MOV10L1: variants seen among roughly 807,000 people sequenced by gnomAD.
The protein encoded by MOV10L1 is Mov10 like RNA helicase 1.
In MOV10L1, 110 loss-of-function variants were observed where a neutral mutation model predicts 143.8. The ratio of observed to expected loss-of-function variants is 0.76; its 90% CI spans 0.66 to 0.90. The LOEUF (loss-of-function observed/expected upper bound fraction) is 0.90, where lower values mean the gene tolerates loss of function less well. Ranked by LOEUF, MOV10L1 falls within the 40% of genes least tolerant of loss-of-function variation. MOV10L1 has a pLI of 0.00. For missense variants in MOV10L1, 1,406 were observed against 1,526.8 expected (o/e 0.92, Z 1.32); for synonymous variants, 593 against 581.1 (o/e 1.02, Z -0.29).
chr22:50,137,673 C>T (rs1448017115), intron 15 of MOV10L1, among the ~76,000 whole-genome samples: 2 of 151,206 alleles, frequency 1.3e-5, no homozygotes, highest in African/African-American at 4.9e-5. Flanking sequence ...CCACTGCGCT[C>T]CAGCCTGGGC....
chr22:50,092,496 G>C (rs79392949), intron 2 of MOV10L1, among the ~76,000 whole-genome samples: 9,789 of 152,016 alleles, frequency 0.064, 1,086 homozygotes, highest in African/African-American at 0.22. Context: ...AAGTTAGCCT[G>C]GTGTCGTGGC....
At chr22:50,093,748 T>C (rs2062515790) in intron 2 of MOV10L1, 1 of 152,198 alleles carries the variant, frequency 6.6e-6, no homozygotes, top group African/African-American at 2.4e-5. Context: ...TGGCCTCGAG[T>C]GGTCCTTCCA....
chr22:50,142,755 G>A (rs1393893101), intron 16 of MOV10L1, among the ~76,000 whole-genome samples: 1 of 152,014 alleles, frequency 6.6e-6, no homozygotes, highest in Admixed American at 6.6e-5. Context: ...AGGATCGCTT[G>A]AGCTCAGGAG....
chr22:50,112,416 G>A (rs527737905), intron 5 of MOV10L1, among the ~76,000 whole-genome samples: 6 of 152,300 alleles, frequency 3.9e-5, no homozygotes, highest in East Asian at 1.9e-4. Flanking sequence ...AAGCTGTGGC[G>A]TCCCATTCTT....
rs564264774 is a variant in MOV10L1 at position 50,159,151 on chromosome 22, A to T, written c.3217-527A>T. On this transcript the variant is annotated intron_variant, in intron 23 of 26. Coordinates refer to ENST00000262794, the MANE Select transcript of MOV10L1 (RefSeq NM_018995.3). The surrounding 1 kb of genome is among the most constrained non-coding windows in gnomAD (Gnocchi z 4.1). ...GGGGAGGGAGGATTTTCCACATGAA[A>T]CTTGGCTTTCCTAGTAAGCATTGTC... is the stretch of plus-strand genomic sequence containing the variant. The T allele has an allele frequency of 2.6e-5, 4 of 152,274 alleles. No homozygotes were observed. The highest frequency in any genetic ancestry group is 4.2e-4 in the South Asian group (2 of 4,816). 9.4% of individuals were successfully genotyped at this position (152,274 alleles called of 1,614,324 possible).
rs375877540 is a variant in MOV10L1, at chr22:50,129,156, A to G, written c.1910+649A>G. On this transcript the variant is annotated intron_variant, in intron 13 of 26. Transcript: ENST00000262794. Reference sequence around the variant, plus strand: ...TATTATCAACTATTTTTTGAGATATAAAGGTGCATACATTTGCATGTGTAT... The same window carrying G: ...TATTATCAACTATTTTTTGAGATATGAAGGTGCATACATTTGCATGTGTAT... 5.3e-5 allele frequency among the ~76,000 whole-genome samples: 8 copies of G among 152,128 alleles called. No homozygotes were observed. In the East Asian group the frequency reaches 1.4e-3, roughly 26 times the overall value.
At chr22:50,143,801 A>G (rs2063057620) in intron 17 of MOV10L1, among the ~76,000 whole-genome samples, 1 of 152,230 alleles carries the variant, frequency 6.6e-6, no homozygotes, top group African/African-American at 2.4e-5. Context: ...GCAAACAGGT[A>G]TTGAGCGCAC....
intron 13 of MOV10L1, among the ~76,000 whole-genome samples, chr22:50,131,776 G>T (rs2062685807): frequency 6.6e-6 from 1 of 151,538 alleles, no homozygotes. Context: ...TGTTTCTGAA[G>T]ACTCTCTGTT....
chr22:50,149,510 C>A, intron 19 of MOV10L1, 105 bp from the exon 20 acceptor site: 1 of 1,140,656 alleles, frequency 8.8e-7, no homozygotes, highest in East Asian at 2.5e-5. Context: ...CTGGGCAACC[C>A]TGCTGTGCCC....
At chr22:50,135,784 C>T (rs2062808885) in intron 15 of MOV10L1, among the ~76,000 whole-genome samples, 1 of 151,024 alleles carries the variant, frequency 6.6e-6, no homozygotes, top group Admixed American at 6.6e-5. Flanking sequence ...ATAATCCAGT[C>T]ACTCCATAAA....
chr22:50,090,068 A>ACGGCGGCGACGGCG lies in MOV10L1; in HGVS notation c.-21_-20insCGGCGGCGACGGCG. 8.1e-7 allele frequency: 1 copy of ACGGCGGCGACGGCG among 1,240,580 alleles called. No homozygotes were observed. The highest frequency in any genetic ancestry group is 1.0e-6 in the Non-Finnish European group (1 of 988,574). The allele number at this position is 1,240,580 out of a possible 1,614,324, so 76.8% of individuals were successfully genotyped here. On this transcript the variant is annotated 5_prime_UTR_variant, in exon 1 of 27. Coordinates refer to ENST00000262794, the MANE Select transcript of MOV10L1 (RefSeq NM_018995.3). The stretch of plus-strand genomic sequence containing the variant: ...GGGCGGCGGCAGCGGCGGTGACGGC[A>ACGGCGGCGACGGCG]GCCTAGGCCGGGCGAGGGCCATGCT...
chr22:50,090,242 AG>A, intron 1 of MOV10L1, 57 bp downstream of exon 1: 1 of 1,402,648 alleles, frequency 7.1e-7, no homozygotes, highest in Non-Finnish European at 9.3e-7. Context: ...GTCGGCCACG[AG>A]GGAGCCGCGC....
chr22:50,134,766 G>A lies in MOV10L1; in HGVS notation c.2070+136G>A, dbSNP rs527951327. On this transcript the variant is annotated intron_variant, in intron 15 of 26. Coordinates refer to ENST00000262794, the MANE Select transcript of MOV10L1 (RefSeq NM_018995.3). ...CAGCGATGTAACTGTCTACACAGGG[G>A]GTGGGCGTTTCCTTCTCGGAGTATT... 9.2e-4 allele frequency: 653 copies of A among 708,222 alleles called. 10 individuals carry two copies. In the South Asian group the frequency reaches 0.013, roughly 14 times the overall value. 43.9% of individuals were successfully genotyped at this position (708,222 alleles called of 1,614,324 possible).
rs116843756 is a variant in MOV10L1 at position 50,099,072 on chromosome 22, T to C, written c.283-371T>C. Among the ~76,000 whole-genome samples the C allele has an allele frequency of 5.5e-3, 832 of 152,318 alleles. 3 individuals are homozygous for C. The highest frequency in any genetic ancestry group is 9.3e-3 in the Non-Finnish European group (631 of 68,022). On this transcript the variant is annotated intron_variant, in intron 2 of 26. Coordinates refer to ENST00000262794, the MANE Select transcript of MOV10L1 (RefSeq NM_018995.3). Reference sequence around the variant, plus strand: ...CTGCATTTGGTTTGATAATATTTCATTGAGGATTTTTGCATCAGTGTTCAT... The same window carrying C: ...CTGCATTTGGTTTGATAATATTTCACTGAGGATTTTTGCATCAGTGTTCAT...
chr22:50,114,520 A>T lies in MOV10L1; in HGVS notation c.1024A>T (p.Asn342Tyr). 6.2e-7 allele frequency: 1 copy of T among 1,614,208 alleles called. No homozygotes were observed. Among genetic ancestry groups the T allele is most frequent in the South Asian group, 1.1e-5 (1 of 91,088 alleles). Residue 342 changes from asparagine to tyrosine, a missense_variant, in exon 7 of 27, where the codon AAT (asparagine) becomes TAT (tyrosine). By Grantham distance (143) the Asn-to-Tyr change is moderately radical. This residue lies in a region of MOV10L1 where 1,233 missense variants were observed against 1,351.4 expected (regional missense o/e 0.91). Transcript: ENST00000262794. The part of the protein sequence containing the change: ...VSFVSVPEKE[N>Y]SSDENINSLN... ...TTTTGTTTCTGTTCCTGAGAAGGAG[A>T]ATTCATCAGATGAAAATATTAATTC... is the stretch of plus-strand genomic sequence containing the variant.
chr22:50,098,337 T>C (rs4838826), intron 2 of MOV10L1, among the ~76,000 whole-genome samples: 96,722 of 151,658 alleles, frequency 0.64, 32,640 homozygotes, highest in Admixed American at 0.75. Flanking sequence ...TTTAATAATA[T>C]TAGGTTTTCC....
chr22:50,109,123 G>A (rs1238500117), intron 5 of MOV10L1, among the ~76,000 whole-genome samples: 2 of 152,112 alleles, frequency 1.3e-5, no homozygotes, highest in African/African-American at 2.4e-5. Flanking sequence ...AGGCCTGGGC[G>A]ACAAGTAAAA....
rs77106439 is a variant in MOV10L1 at position 50,153,249 on chromosome 22, G to A, written c.3066+31G>A. On this transcript the variant is annotated intron_variant, in intron 22 of 26. Transcript: ENST00000262794. ...TTGTGTCTTGAATCCGTAGGTGACC[G>A]TGTCGGGTAAGGACAGTATGGCAGG... is the stretch of plus-strand genomic sequence containing the variant. The A allele has an allele frequency of 4.5e-3, 7,163 of 1,596,512 alleles. 269 individuals are homozygous for A. The African/African-American group carries it at 0.079, about 18-fold the overall frequency.
chr22:50,131,047 C>A (rs985599156), intron 13 of MOV10L1, among the ~76,000 whole-genome samples: 1 of 150,530 alleles, frequency 6.6e-6, no homozygotes, highest in African/African-American at 2.5e-5. Flanking sequence ...CAGGTGCCCA[C>A]CACCACGCCC....
Sources: allele counts gnomAD v4.1 joint callset (sites outside exome capture counted in the v4.1 genomes callset), GRCh38; gene constraint gnomAD v4.1.1; regional missense constraint gnomAD v4.1.1; non-coding constraint Gnocchi (gnomAD v3.1); transcripts MANE v1.5; gene names NCBI Gene and HGNC (gene_info 2026-07-23, HGNC 2026-07-21).